Variants in ADAM9 observed in about 807,000 individuals in gnomAD.
ADAM9 encodes the protein ADAM metallopeptidase domain 9.
ADAM9 carries 54 observed loss-of-function variants against 108.1 expected under a neutral mutation model. The ratio of observed to expected loss-of-function variants is 0.50; its 90% CI spans 0.40 to 0.63. ADAM9 has a LOEUF of 0.63. Ranked by LOEUF, ADAM9 falls within the 20% of genes least tolerant of loss-of-function variation. The pLI is 0.00. For missense variants in ADAM9, 830 were observed against 997.7 expected (o/e 0.83, Z 2.26); for synonymous variants, 316 against 336.0 (o/e 0.94, Z 0.65).
intron 11 of ADAM9, among the ~76,000 whole-genome samples, chr8:39,034,694 T>G (rs1027895681): frequency 4.6e-5 from 7 of 152,220 alleles, no homozygotes. Flanking sequence ...TTGGGATTTT[T>G]CCATTGTCTT....
At chr8:39,079,804 C>T (rs1210194693) in intron 16 of ADAM9, among the ~76,000 whole-genome samples, 3 of 152,144 alleles carry the variant, frequency 2.0e-5, no homozygotes, top group African/African-American at 7.2e-5. Context: ...AGACTGGTCT[C>T]GAATTCCTAA....
At chr8:39,087,669 T>G (rs1839217848) in intron 18 of ADAM9, among the ~76,000 whole-genome samples, 1 of 152,264 alleles carries the variant, frequency 6.6e-6, no homozygotes, top group South Asian at 2.1e-4. Flanking sequence ...GTAATGCCAC[T>G]AACAGTGCGA....
intron 14 of ADAM9, among the ~76,000 whole-genome samples, chr8:39,057,177 A>C (rs1479507735): frequency 6.6e-6 from 1 of 152,052 alleles, no homozygotes; most frequent in Non-Finnish European, 1.5e-5. Context: ...GTAGTAGGCT[A>C]TACCACCTAG....
chr8:39,036,216 G>A (rs1007388440), intron 11 of ADAM9, among the ~76,000 whole-genome samples: 6 of 152,136 alleles, frequency 3.9e-5, no homozygotes, highest in Admixed American at 3.9e-4. Flanking sequence ...ATTCTGGAAA[G>A]TGTGAGTTGC....
intron 16 of ADAM9, among the ~76,000 whole-genome samples, chr8:39,081,448 A>G (rs1193941046): frequency 6.6e-6 from 1 of 152,204 alleles, no homozygotes; most frequent in Non-Finnish European, 1.5e-5. Flanking sequence ...TGACAGGAAA[A>G]TCTTCTTTTA....
intron 11 of ADAM9, among the ~76,000 whole-genome samples, chr8:39,034,321 C>G (rs531612200): frequency 2.6e-5 from 4 of 152,250 alleles, no homozygotes; most frequent in African/African-American, 9.6e-5. Context: ...ATCATGTCTA[C>G]TATTAAATCT....
chr8:39,081,102 C>G (rs1458507575), intron 16 of ADAM9, among the ~76,000 whole-genome samples: 1 of 151,968 alleles, frequency 6.6e-6, no homozygotes, highest in Non-Finnish European at 1.5e-5. Flanking sequence ...CTTGCACCAC[C>G]ATGCCCGGCT....
At position 39,002,033 on chromosome 8, in the gene ADAM9, TAAA is replaced by T. The variant is rs35778686; in HGVS notation, c.97+4891_97+4893del. 1.6e-3 allele frequency among the ~76,000 whole-genome samples: 172 copies of T among 108,582 alleles called. 1 individual carries two copies. Among genetic ancestry groups the T allele is most frequent in the African/African-American group, 5.7e-3 (168 of 29,552 alleles). The allele number at this position is 108,582 out of a possible 152,430, so 71.2% of individuals were successfully genotyped here. A position where few individuals can be genotyped will look rare whatever the true frequency, so the allele number is the denominator to read the frequency against. On this transcript the variant is annotated intron_variant, in intron 1 of 21. Coordinates refer to ENST00000487273, the MANE Select transcript of ADAM9 (RefSeq NM_003816.3). The stretch of plus-strand genomic sequence containing the variant: ...TTGACCTGGCGAATACTAGAATGAT[TAAA>T]AAAAAAAAAAAAAAAAAGGCAAAAA...
chr8:39,102,669 C>T (rs1047658573), intron 21 of ADAM9, among the ~76,000 whole-genome samples: 1 of 152,100 alleles, frequency 6.6e-6, no homozygotes, highest in African/African-American at 2.4e-5. Context: ...ACCATAGAAA[C>T]AGACTGAGAT....
chr8:39,043,344 C>T (rs1001423153), intron 12 of ADAM9, among the ~76,000 whole-genome samples: 9 of 152,086 alleles, frequency 5.9e-5, no homozygotes, highest in African/African-American at 2.2e-4. Flanking sequence ...TTAAAAGAAC[C>T]TTCGTACTAT....
chr8:39,037,884 C>T (rs1837336071), intron 11 of ADAM9, among the ~76,000 whole-genome samples: 1 of 152,184 alleles, frequency 6.6e-6, no homozygotes, highest in South Asian at 2.1e-4. Context: ...CTAATAGGCT[C>T]AAACTCCTGT....
chr8:39,045,219 CATAT>C (rs1246369806), intron 12 of ADAM9, among the ~76,000 whole-genome samples: 1 of 121,352 alleles, frequency 8.2e-6, no homozygotes, highest in African/African-American at 3.7e-5. Flanking sequence ...TGTATACATA[CATAT>C]ATGTGTATAT....
At chr8:39,071,801 C>T (rs1444243959) in intron 15 of ADAM9, among the ~76,000 whole-genome samples, 1 of 152,164 alleles carries the variant, frequency 6.6e-6, no homozygotes, top group Non-Finnish European at 1.5e-5. Flanking sequence ...TCTGTGACCG[C>T]TGATTTTCTC....
At chr8:39,009,382 G>T (rs1289622066) in intron 2 of ADAM9, among the ~76,000 whole-genome samples, 1 of 152,190 alleles carries the variant, frequency 6.6e-6, no homozygotes, top group Non-Finnish European at 1.5e-5. Flanking sequence ...TGGGACTACA[G>T]GCATGTGCCA....
At position 38,997,271 on chromosome 8, in the gene ADAM9, C is replaced by G. The variant is rs532467338; in HGVS notation, c.97+111C>G. ...AGGGGCCCGGCCTGGGGATCGGACCCGGGGTCGGGGGGCGCGGCCGCTCCA... is the reference window on the plus strand; with the variant it reads ...AGGGGCCCGGCCTGGGGATCGGACCGGGGGTCGGGGGGCGCGGCCGCTCCA... On this transcript the variant is annotated intron_variant, in intron 1 of 21. Coordinates refer to ENST00000487273, the MANE Select transcript of ADAM9 (RefSeq NM_003816.3). 1.3e-4 allele frequency: 170 copies of G among 1,295,630 alleles called. 3 individuals carry two copies. In the South Asian group the frequency reaches 2.0e-3, roughly 15 times the overall value. The allele number at this position is 1,295,630 out of a possible 1,614,324, so 80.3% of individuals were successfully genotyped here.
intron 8 of ADAM9, among the ~76,000 whole-genome samples, chr8:39,022,548 T>C (rs1476619667): frequency 6.6e-6 from 1 of 152,200 alleles, no homozygotes; most frequent in African/African-American, 2.4e-5. Context: ...ATGTGGACTA[T>C]GAATGGGCTT....
At chr8:39,041,840 T>G (rs1837463626) in intron 11 of ADAM9, 106 bp from the exon 12 acceptor site, 1 of 1,034,540 alleles carries the variant, frequency 9.7e-7, no homozygotes, top group African/African-American at 1.6e-5. Context: ...TTAGCTTCTT[T>G]TCTGTCATTT....
At chr8:39,019,748 T>G (rs1836672690) in intron 7 of ADAM9, among the ~76,000 whole-genome samples, 1 of 152,206 alleles carries the variant, frequency 6.6e-6, no homozygotes. Flanking sequence ...GTTTTGAGGT[T>G]TTTTTTGGTT....
chr8:39,036,550 C>A (rs1045202482), intron 11 of ADAM9, among the ~76,000 whole-genome samples: 4 of 151,922 alleles, frequency 2.6e-5, no homozygotes, highest in African/African-American at 9.7e-5. Flanking sequence ...GGGAAAATCA[C>A]CTAGATGTGA....
Sources: gnomAD v4.1 joint callset for allele counts (sites outside exome capture counted in the v4.1 genomes callset) on GRCh38, gnomAD v4.1.1 for gene constraint, MANE v1.5 for transcripts, NCBI Gene and HGNC (gene_info 2026-07-23, HGNC 2026-07-21) for gene names.